Variants in NLRP4 observed in about 807,000 individuals in gnomAD.
NLRP4 encodes NACHT, LRR and PYD domains-containing protein 4.
NLRP4 carries 44 observed loss-of-function variants against 84.7 expected under a neutral mutation model. The observed-to-expected ratio is 0.52, with a 90% CI of 0.41 to 0.67. NLRP4 has a LOEUF of 0.67. Among genes scored for constraint, NLRP4 ranks in the 30% least tolerant of loss-of-function variants. The pLI is 0.00. For missense variants in NLRP4, 1,260 were observed against 1,219.4 expected, an observed-to-expected ratio of 1.03 and a Z score of -0.50; for synonymous variants, 544 against 476.4, an observed-to-expected ratio of 1.14 and a Z score of -1.85.
chr19:55,861,588 A>C, intron 4 of NLRP4, 41 bp downstream of exon 4: 4 of 1,587,772 alleles, frequency 2.5e-6, no homozygotes, highest in Non-Finnish European at 2.6e-6. Flanking sequence ...TGTCACGGAG[A>C]TGACCTATTC....
In NLRP4 at chr19:55,852,060, G is replaced by A. The variant is rs992362909; in HGVS notation, c.-21G>A. The stretch of plus-strand genomic sequence containing the variant: ...CCTGGTCACTGTCTCTTTGAGGATT[G>A]GTATCTCTGCTCCAGAAAAGATGGC... On this transcript the variant is annotated 5_prime_UTR_variant, in exon 2 of 10. An upstream open reading frame in the 5' UTR gains an earlier in-frame stop. Coordinates refer to ENST00000301295, the MANE Select transcript of NLRP4 (RefSeq NM_134444.5). 3 of 1,571,252 alleles carry A rather than the reference G, an allele frequency of 1.9e-6. No individual in the cohort carries two copies. Among genetic ancestry groups the A allele is most frequent in the South Asian group, 2.4e-5 (2 of 83,904 alleles).
At chr19:55,854,578 T>C (rs1030814816) in intron 2 of NLRP4, among the ~76,000 whole-genome samples, 1 of 152,202 alleles carries the variant, frequency 6.6e-6, no homozygotes, top group African/African-American at 2.4e-5. Context: ...TGGTAGTAGT[T>C]ACAGGGAAAT....
rs1053674257 is a variant in NLRP4 at position 55,853,871 on chromosome 19, TTCTC to T, written c.280+1515_280+1518del. 4.1e-4 allele frequency among the ~76,000 whole-genome samples: 62 copies of T among 149,634 alleles called. 1 individual carries two copies. The highest frequency in any genetic ancestry group is 6.8e-3 in the Middle Eastern group (2 of 294). On this transcript the variant is annotated intron_variant, in intron 2 of 9. Transcript: ENST00000301295. ...TGTCTTTCTCTCTCTTCCTCTCTCT[TTCTC>T]TCTTGCTATCTCTTTCTCTCTCTCT... is the stretch of plus-strand genomic sequence containing the variant.
At chr19:55,837,909 G>A (rs968213935) in intron 1 of NLRP4, among the ~76,000 whole-genome samples, 7 of 152,072 alleles carry the variant, frequency 4.6e-5, no homozygotes, top group Non-Finnish European at 7.4e-5. Flanking sequence ...GGTGGCAGGT[G>A]CCTGTAATCC....
intron 2 of NLRP4, among the ~76,000 whole-genome samples, chr19:55,853,711 G>C (rs1984260637): frequency 6.7e-6 from 1 of 149,930 alleles, no homozygotes; most frequent in Non-Finnish European, 1.5e-5. Flanking sequence ...TACTGGCCTA[G>C]ACTCACTCTT....
chr19:55,873,464 T>A (rs1985263284), intron 7 of NLRP4, among the ~76,000 whole-genome samples: 1 of 152,158 alleles, frequency 6.6e-6, no homozygotes, highest in Non-Finnish European at 1.5e-5. Context: ...ATGCTAGTAA[T>A]TAAACGAACA....
rs752562614 is a variant in NLRP4, at chr19:55,878,814, C to G, written c.2717C>G (p.Thr906Arg). ...TGCAGGTTGGAAGAATGTGGGTTAA[C>G]GAGCACCTGCTGTAAGGATCTCGCG... ...EILGLEECGL[T>R]STCCKDLASV... is the part of the protein sequence containing the mutation. The change falls in exon 9 of 10, where the codon ACG (threonine) becomes AGG (arginine). Residue 906 changes from threonine to arginine, a missense_variant. This residue lies in a region of NLRP4 where 544 missense variants were observed against 531.7 expected (regional missense o/e 1.02). Coordinates refer to ENST00000301295, the MANE Select transcript of NLRP4 (RefSeq NM_134444.5). 6.2e-7 allele frequency: 1 copy of G among 1,612,248 alleles called. No individual in the cohort carries two copies. Among genetic ancestry groups the G allele is most frequent in the Non-Finnish European group, 8.5e-7 (1 of 1,178,974 alleles).
intron 6 of NLRP4, among the ~76,000 whole-genome samples, chr19:55,869,665 A>G (rs539180562): frequency 6.6e-6 from 1 of 152,302 alleles, no homozygotes; most frequent in South Asian, 2.1e-4. Flanking sequence ...TAAACATAAA[A>G]ATGCCAGGAA....
intron 2 of NLRP4, among the ~76,000 whole-genome samples, chr19:55,854,867 G>A (rs115621733): frequency 0.016 from 2,476 of 152,140 alleles, 71 homozygotes; most frequent in African/African-American, 0.057. Flanking sequence ...GGATTATAAG[G>A]CGCTCACCAC....
At chr19:55,863,189 T>C (rs541224174) in intron 5 of NLRP4, among the ~76,000 whole-genome samples, 6 of 152,316 alleles carry the variant, frequency 3.9e-5, no homozygotes, top group South Asian at 4.1e-4. Context: ...ACATTGTTGA[T>C]GGCAATGAGC....
chr19:55,853,813 T>TTC (rs1318900903), intron 2 of NLRP4, among the ~76,000 whole-genome samples: 3 of 126,832 alleles, frequency 2.4e-5, no homozygotes, highest in African/African-American at 8.7e-5. Context: ...CTCTTTCTCT[T>TTC]TCTTTCTTGC....
chr19:55,844,616 CG>C (rs1414329487), intron 1 of NLRP4, among the ~76,000 whole-genome samples: 9 of 152,066 alleles, frequency 5.9e-5, no homozygotes, highest in African/African-American at 1.2e-4. Context: ...TATATTGGAT[CG>C]GGGGCCCACC....
intron 5 of NLRP4, among the ~76,000 whole-genome samples, chr19:55,863,909 C>T (rs1477018107): frequency 6.6e-6 from 1 of 152,052 alleles, no homozygotes; most frequent in African/African-American, 2.4e-5. Context: ...TCATTGGTAC[C>T]CACACATTCA....
At chr19:55,853,093 A>G (rs1217093562) in intron 2 of NLRP4, among the ~76,000 whole-genome samples, 1 of 152,266 alleles carries the variant, frequency 6.6e-6, no homozygotes, top group Non-Finnish European at 1.5e-5. Flanking sequence ...TATAAGCAAT[A>G]TGGCTTTTAG....
intron 5 of NLRP4, among the ~76,000 whole-genome samples, chr19:55,863,017 T>G (rs1247393803): frequency 5.3e-5 from 8 of 152,254 alleles, no homozygotes; most frequent in Admixed American, 5.2e-4. Context: ...TGTCTCAGTT[T>G]GCTGAAAGAC....
intron 4 of NLRP4, 95 bp from the exon 5 acceptor site, chr19:55,861,897 A>G: frequency 1.1e-6 from 1 of 882,508 alleles, no homozygotes; most frequent in Non-Finnish European, 1.9e-6. Flanking sequence ...GAAATCAGAG[A>G]ATGAGTTCAT....
At position 55,836,677 on chromosome 19, in the gene NLRP4, TCGATCACAGC is replaced by T. The variant is rs909423988; in HGVS notation, c.-321_-312del. The T allele has an allele frequency of 1.3e-5, 2 of 152,374 alleles. No homozygotes were observed. The highest frequency in any genetic ancestry group is 4.8e-5 in the African/African-American group (2 of 41,428). 9.4% of individuals were successfully genotyped at this position (152,374 alleles called of 1,614,324 possible). ...ACCCTGTCTCCTTTCTTGAGGCTGA[TCGATCACAGC>T]CAGGCCTCTCCATTCTATTTACCCA... On this transcript the variant is annotated 5_prime_UTR_variant, in exon 1 of 10. Transcript: ENST00000301295.
chr19:55,863,230 T>C (rs11669231), intron 5 of NLRP4, among the ~76,000 whole-genome samples: 125 of 152,326 alleles, frequency 8.2e-4, no homozygotes, highest in Admixed American at 3.3e-3. Context: ...ATGGCTTTAT[T>C]CCTGTGAAGT....
rs780556532 is a variant in NLRP4 at position 55,852,215 on chromosome 19, T to G, written c.135T>G (p.Thr45=). The change falls in exon 2 of 10, where the codon ACT becomes ACG. Residue 45 remains threonine, a synonymous_variant. Transcript: ENST00000301295. ...LQLELKQIPW[T]EVKKASREEL... is the part of the protein sequence containing the mutation. ...TTGAACTCAAGCAGATTCCCTGGAC[T>G]GAGGTCAAAAAAGCATCCCGGGAAG... The G allele has an allele frequency of 6.2e-7, 1 of 1,609,546 alleles. No homozygotes were observed. The highest frequency in any genetic ancestry group is 8.5e-7 in the Non-Finnish European group (1 of 1,178,984).
Sources: allele counts gnomAD v4.1 joint callset (sites outside exome capture counted in the v4.1 genomes callset), GRCh38; gene constraint gnomAD v4.1.1; regional missense constraint gnomAD v4.1.1; transcripts MANE v1.5; gene names NCBI Gene and HGNC (gene_info 2026-07-23, HGNC 2026-07-21).